Variants in MMS22L observed in about 807,000 individuals in gnomAD.
MMS22L encodes MMS22 like, DNA repair protein.
A neutral mutation model predicts 159.1 loss-of-function variants in MMS22L; 74 were observed. The observed-to-expected ratio is 0.47, with a 90% CI of 0.39 to 0.56. The LOEUF is 0.56. Ranked by LOEUF, MMS22L falls within the 20% of genes least tolerant of loss-of-function variation. The pLI is 0.00. For missense variants in MMS22L, 1,351 were observed against 1,422.1 expected (o/e 0.95, Z 0.80); for synonymous variants, 517 against 506.9 (o/e 1.02, Z -0.27).
At chr6:97,283,268 G>T (rs1816940429), upstream of MMS22L, 1 of 152,228 alleles carries the variant, frequency 6.6e-6, no homozygotes, top group South Asian at 2.1e-4. Flanking sequence ...CGCGATATCT[G>T]CGCGGAAACA....
chr6:97,231,151 T>C (rs1218143493), intron 13 of MMS22L: 2 of 360,930 alleles, frequency 5.5e-6, no homozygotes, highest in Non-Finnish European at 1.0e-5. Context: ...TGTGGTCAGT[T>C]CTCATTTAAA....
Position 97,168,062 on chromosome 6 carries a change from A to C in MMS22L, c.3009+9T>G, listed in dbSNP as rs1368706316. ...TTTTTAAACTTTTAAGCAACCACAG[A>C]TACTATACCTGGAGATACAAAGGAA... On this transcript the variant is annotated intron_variant, in intron 20 of 24. Transcript: ENST00000683635. 1 of 1,585,378 alleles carries C rather than the reference A, an allele frequency of 6.3e-7. No individual in the cohort carries two copies. Among genetic ancestry groups the C allele is most frequent in the South Asian group, 1.2e-5 (1 of 85,422 alleles).
At position 97,149,876 on chromosome 6, in the gene MMS22L, GC is replaced by G. The variant is rs1801151557; in HGVS notation, c.3626del (p.Gly1209AlafsTer6). On this transcript the variant is annotated frameshift_variant, in exon 24 of 25. Coordinates refer to ENST00000683635, the MANE Select transcript of MMS22L (RefSeq NM_001350599.2). LOFTEE classifies it high-confidence loss of function. ...QSLKDSEQKW[G>X]LGRNIAQREA... ...ACCTTTGTGCTATATTCCTGCCAAG[GC>G]CCCATTTCTGCTCTGAATCCTTCAG... The G allele has an allele frequency of 1.2e-6, 2 of 1,611,258 alleles. No individual in the cohort carries two copies. Among genetic ancestry groups the G allele is most frequent in the Non-Finnish European group, 1.7e-6 (2 of 1,178,670 alleles).
At chr6:97,228,241 G>A (rs765453661) in intron 14 of MMS22L, among the ~76,000 whole-genome samples, 2 of 152,148 alleles carry the variant, frequency 1.3e-5, no homozygotes, top group Non-Finnish European at 2.9e-5. Context: ...GAGGTAGCAG[G>A]GGAAGGAAGG....
intron 23 of MMS22L, 31 bp from the exon 24 acceptor site, chr6:97,150,051 C>A: frequency 6.3e-7 from 1 of 1,589,940 alleles, no homozygotes; most frequent in South Asian, 1.1e-5. Flanking sequence ...TTTAGGATTA[C>A]TCCTGGGGCA....
chr6:97,150,122 T>G, intron 23 of MMS22L, 102 bp from the exon 24 acceptor site: 1 of 827,670 alleles, frequency 1.2e-6, no homozygotes, highest in Non-Finnish European at 1.8e-6. Context: ...AAAGATCATT[T>G]CATAAAAGTT....
At chr6:97,162,413 A>T (rs1802542802) in intron 21 of MMS22L, among the ~76,000 whole-genome samples, 1 of 151,942 alleles carries the variant, frequency 6.6e-6, no homozygotes, top group South Asian at 2.1e-4. Flanking sequence ...ATTGAAAGCA[A>T]CCTTGTTTTA....
chr6:97,198,499 T>C (rs1806790267), intron 14 of MMS22L, among the ~76,000 whole-genome samples: 2 of 152,166 alleles, frequency 1.3e-5, no homozygotes, highest in African/African-American at 4.8e-5. Flanking sequence ...TTTTACCCAC[T>C]ATGTTATTAC....
intron 23 of MMS22L, among the ~76,000 whole-genome samples, chr6:97,150,970 T>A (rs916464998): frequency 6.6e-6 from 1 of 152,170 alleles, no homozygotes; most frequent in Non-Finnish European, 1.5e-5. Flanking sequence ...GAACAATAGA[T>A]CTACTTCTAT....
chr6:97,215,813 C>T (rs1808948141), intron 14 of MMS22L, among the ~76,000 whole-genome samples: 2 of 152,114 alleles, frequency 1.3e-5, no homozygotes, highest in South Asian at 4.1e-4. Flanking sequence ...GCTGAATTCC[C>T]TTAAACCCCC....
intron 9 of MMS22L, among the ~76,000 whole-genome samples, chr6:97,255,268 A>G (rs1562511574): frequency 6.6e-6 from 1 of 152,066 alleles, no homozygotes; most frequent in East Asian, 1.9e-4. Context: ...TTTTCTAGGT[A>G]TTTCATGTAA....
At chr6:97,155,375 A>G (rs571979879) in intron 22 of MMS22L, among the ~76,000 whole-genome samples, 1 of 152,310 alleles carries the variant, frequency 6.6e-6, no homozygotes, top group South Asian at 2.1e-4. Context: ...CAGGTTTGTT[A>G]CATATGTATA....
intron 14 of MMS22L, among the ~76,000 whole-genome samples, chr6:97,222,666 T>C (rs1809776935): frequency 6.6e-6 from 1 of 152,076 alleles, no homozygotes; most frequent in Non-Finnish European, 1.5e-5. Flanking sequence ...AAAGGCATTT[T>C]GAAATCACTC....
In MMS22L at chr6:97,149,922, A is replaced by T. The variant is rs773907641; in HGVS notation, c.3581T>A (p.Ile1194Asn). The T allele has an allele frequency of 6.2e-7, 1 of 1,613,728 alleles. No individual in the cohort carries two copies. Among genetic ancestry groups the T allele is most frequent in the Admixed American group, 1.7e-5 (1 of 59,952 alleles). Residue 1194 changes from isoleucine (I) to asparagine (N), a missense_variant, in exon 24 of 25, where the codon ATT (isoleucine) becomes AAT (asparagine). By Grantham distance (149) the Ile-to-Asn change is moderately radical. Coordinates refer to ENST00000683635, the MANE Select transcript of MMS22L (RefSeq NM_001350599.2). ...TLDQQVVIHLISTLTQSLKDS... is the reference protein window; with the variant it reads ...TLDQQVVIHLNSTLTQSLKDS... ...CTTCAGAGACTGAGTAAGGGTAGAAATCAAGTGGATGACAACCTGCTGGTC... is the reference window on the plus strand; with the variant it reads ...CTTCAGAGACTGAGTAAGGGTAGAATTCAAGTGGATGACAACCTGCTGGTC...
At chr6:97,200,658 G>A (rs1285751417) in intron 14 of MMS22L, among the ~76,000 whole-genome samples, 3 of 152,058 alleles carry the variant, frequency 2.0e-5, no homozygotes, top group Non-Finnish European at 2.9e-5. Context: ...AAATGTTAAA[G>A]TGGTGAGTAA....
intron 14 of MMS22L, among the ~76,000 whole-genome samples, chr6:97,202,615 G>T (rs138796813): frequency 6.6e-6 from 1 of 151,954 alleles, no homozygotes; most frequent in Non-Finnish European, 1.5e-5. Flanking sequence ...GTTTGGTGAT[G>T]AAAAAATGGA....
intron 6 of MMS22L, 28 bp downstream of exon 6, chr6:97,272,676 T>C (rs772445620): frequency 6.1e-5 from 97 of 1,577,318 alleles, no homozygotes; most frequent in Non-Finnish European, 7.7e-5. Context: ...AAGCTGATAA[T>C]TTAAAAATCA....
chr6:97,221,045 ATTATGAGTTCT>A (rs775109498), intron 14 of MMS22L, among the ~76,000 whole-genome samples: 2 of 151,830 alleles, frequency 1.3e-5, no homozygotes, highest in Non-Finnish European at 2.9e-5. Context: ...CGAAGAAATG[ATTATGAGTTCT>A]TTTGAAAACA....
At chr6:97,193,084 T>A (rs990354577) in intron 14 of MMS22L, among the ~76,000 whole-genome samples, 29 of 152,146 alleles carry the variant, frequency 1.9e-4, no homozygotes, top group African/African-American at 6.5e-4. Flanking sequence ...AAGTTCTTAA[T>A]AAAGGTAGTT....
Sources: allele counts gnomAD v4.1 joint callset (sites outside exome capture counted in the v4.1 genomes callset), GRCh38; gene constraint gnomAD v4.1.1; transcripts MANE v1.5; gene names NCBI Gene and HGNC (gene_info 2026-07-23, HGNC 2026-07-21).